The following GBE1 variants were observed in gnomAD, a reference collection of about 807,000 sequenced individuals.
The protein encoded by GBE1 is 1,4-alpha-glucan-branching enzyme.
A neutral mutation model predicts 88.8 loss-of-function variants in GBE1; 70 were observed. The ratio of observed to expected loss-of-function variants is 0.79; its 90% CI spans 0.65 to 0.96. The LOEUF (loss-of-function observed/expected upper bound fraction) is 0.96. Among genes scored for constraint, GBE1 ranks in the 40% least tolerant of loss-of-function variants. The pLI is 0.00. For synonymous variants in GBE1, 284 were observed against 300.1 expected (o/e 0.95, Z 0.56); for missense variants, 872 against 871.0 (o/e 1.00, Z -0.01).
rs1485398584 is a variant in GBE1, at chr3:81,505,731, T to C, written c.1935-6504A>G. ...GGTCTGTTAGTGTGTGGTGGAGGGGTGTCGTGGTCGGGGGGTGTGTGTCTA... is the reference window on the plus strand; with the variant it reads ...GGTCTGTTAGTGTGTGGTGGAGGGGCGTCGTGGTCGGGGGGTGTGTGTCTA... On this transcript the variant is annotated intron_variant, in intron 14 of 15. Coordinates refer to ENST00000429644, the MANE Select transcript of GBE1 (RefSeq NM_000158.4). Among the ~76,000 whole-genome samples, 5 of 152,046 alleles carry C rather than the reference T, an allele frequency of 3.3e-5. No individual in the cohort carries two copies. In the South Asian group the frequency reaches 1.0e-3, roughly 32 times the overall value.
chr3:81,509,659 C>T (rs1217103015), intron 14 of GBE1: 1 of 151,660 alleles, frequency 6.6e-6, no homozygotes, highest in South Asian at 2.1e-4. Context: ...TTGCAGTCTC[C>T]TCCTTGGGTT....
At chr3:81,659,591 G>A (rs979256178) in intron 3 of GBE1, among the ~76,000 whole-genome samples, 19 of 146,780 alleles carry the variant, frequency 1.3e-4, no homozygotes, top group African/African-American at 3.0e-4. Context: ...CTAGTTATCC[G>A]CCCACCTCGG....
intron 12 of GBE1, 23 bp downstream of exon 12, chr3:81,577,901 CA>C (rs762958636): frequency 1.3e-6 from 2 of 1,540,312 alleles, no homozygotes; most frequent in Non-Finnish European, 1.7e-6. Flanking sequence ...ACACAAATTG[CA>C]TATGTGTTTA....
intron 1 of GBE1, among the ~76,000 whole-genome samples, chr3:81,759,990 A>C (rs541852577): frequency 6.6e-6 from 1 of 152,310 alleles, no homozygotes; most frequent in East Asian, 1.9e-4. Context: ...CACTACCTTT[A>C]ATCACTATCT....
intron 7 of GBE1, among the ~76,000 whole-genome samples, chr3:81,639,681 T>C (rs1341495084): frequency 1.3e-5 from 2 of 152,154 alleles, no homozygotes; most frequent in South Asian, 2.1e-4. Context: ...ACCCAGACCA[T>C]ATAAAATGGC....
chr3:81,578,727 CCCTGAGTAA>C (rs1400832703), intron 11 of GBE1, among the ~76,000 whole-genome samples: 5 of 151,860 alleles, frequency 3.3e-5, no homozygotes, highest in Admixed American at 2.0e-4. Flanking sequence ...CTCAGAAATG[CCCTGAGTAA>C]CAGCAGAGAG....
At chr3:81,617,541 A>G (rs1389991682) in intron 7 of GBE1, among the ~76,000 whole-genome samples, 1 of 151,938 alleles carries the variant, frequency 6.6e-6, no homozygotes, top group Non-Finnish European at 1.5e-5. Context: ...TTAAATACAA[A>G]ACAAGCTTAA....
chr3:81,649,214 C>T (rs995141185), intron 4 of GBE1, among the ~76,000 whole-genome samples: 3 of 151,932 alleles, frequency 2.0e-5, no homozygotes, highest in African/African-American at 7.2e-5. Context: ...TAGCTTATGC[C>T]TTATCATTGA....
At position 81,556,985 on chromosome 3, in the gene GBE1, T is replaced by C. The variant is rs763644675; in HGVS notation, c.1619-19890A>G. Among the ~76,000 whole-genome samples, 89 of 152,096 alleles carry C rather than the reference T, an allele frequency of 5.9e-4. 2 individuals are homozygous for C. Among genetic ancestry groups the C allele is most frequent in the Non-Finnish European group, 1.2e-3 (80 of 67,996 alleles). ...AAATAAAAAGCATCAACATAAACTC[T>C]TAACATAATTAAATATTTTCTTACA... On this transcript the variant is annotated intron_variant, in intron 12 of 15. Transcript: ENST00000429644.
chr3:81,524,895 T>C (rs1214645991), intron 14 of GBE1, among the ~76,000 whole-genome samples: 1 of 151,970 alleles, frequency 6.6e-6, no homozygotes, highest in Non-Finnish European at 1.5e-5. Flanking sequence ...ATTCTGGGTC[T>C]TTTATGATTT....
At chr3:81,553,442 C>T (rs2106898183) in intron 12 of GBE1, among the ~76,000 whole-genome samples, 1 of 151,898 alleles carries the variant, frequency 6.6e-6, no homozygotes, top group Admixed American at 6.6e-5. Context: ...GACAGATATC[C>T]TGTATTTTCA....
At chr3:81,567,377 T>A (rs139943043) in intron 12 of GBE1, among the ~76,000 whole-genome samples, 1 of 152,242 alleles carries the variant, frequency 6.6e-6, no homozygotes, top group Non-Finnish European at 1.5e-5. Context: ...TTCATGGTTC[T>A]CAATTGCAGG....
chr3:81,725,293 G>A (rs1476005755), intron 1 of GBE1, among the ~76,000 whole-genome samples: 1 of 151,990 alleles, frequency 6.6e-6, no homozygotes, highest in Non-Finnish European at 1.5e-5. Context: ...TTGTAAAGCT[G>A]TACAAATATA....
At chr3:81,696,042 C>T (rs906186865) in intron 2 of GBE1, among the ~76,000 whole-genome samples, 5 of 151,922 alleles carry the variant, frequency 3.3e-5, no homozygotes, top group Admixed American at 2.6e-4. Context: ...TTCCGCCCCC[C>T]CAAGATCTAT....
In GBE1 at chr3:81,576,235, T is replaced by C. The variant is rs190659088; in HGVS notation, c.1618+1690A>G. Among the ~76,000 whole-genome samples, 436 of 151,812 alleles carry C rather than the reference T, an allele frequency of 2.9e-3. 1 individual carries two copies. Among genetic ancestry groups the C allele is most frequent in the Non-Finnish European group, 4.6e-3 (310 of 67,906 alleles). ...TTAGGCAATGTATCATACTTACTTA[T>C]TATACATGATAACTATAATAATCAT... On this transcript the variant is annotated intron_variant, in intron 12 of 15. Transcript: ENST00000429644.
intron 14 of GBE1, among the ~76,000 whole-genome samples, chr3:81,511,749 T>C (rs538141524): frequency 1.3e-5 from 2 of 152,038 alleles, no homozygotes; most frequent in South Asian, 2.1e-4. Context: ...AGTAAATTAG[T>C]TCAGCTCCCG....
rs368248959 is a variant in GBE1 at position 81,577,967 on chromosome 3, T to C, written c.1576A>G (p.Ile526Val). The change falls in exon 12 of 16, where the codon ATT becomes GTT. Residue 526 changes from isoleucine to valine, a missense_variant. Transcript: ENST00000429644. ...CCTTCTCCACCAAGCCCATGCGTAATGAGTCGAATCATTTTATGAAGCTGT... is the reference window on the plus strand; with the variant it reads ...CCTTCTCCACCAAGCCCATGCGTAACGAGTCGAATCATTTTATGAAGCTGT... ...GIQLHKMIRLITHGLGGEGYL... is the reference protein window; with the variant it reads ...GIQLHKMIRLVTHGLGGEGYL... 3.7e-6 allele frequency: 6 copies of C among 1,608,098 alleles called. No homozygotes were observed. In the African/African-American group the frequency reaches 6.7e-5, roughly 18 times the overall value.
intron 7 of GBE1, among the ~76,000 whole-genome samples, chr3:81,614,644 G>A (rs1704225782): frequency 6.6e-6 from 1 of 152,134 alleles, no homozygotes; most frequent in Admixed American, 6.6e-5. Context: ...CAGATCACAA[G>A]GTCAAAAGAT....
At chr3:81,665,938 G>T (rs1345610680) in intron 3 of GBE1, among the ~76,000 whole-genome samples, 3 of 152,028 alleles carry the variant, frequency 2.0e-5, no homozygotes, top group East Asian at 1.9e-4. Context: ...ATAAGAAACA[G>T]ACTTGAGTGA....
Sources: allele counts gnomAD v4.1 joint callset (sites outside exome capture counted in the v4.1 genomes callset), GRCh38; gene constraint gnomAD v4.1.1; transcripts MANE v1.5; gene names NCBI Gene and HGNC (gene_info 2026-07-23, HGNC 2026-07-21).